COPS4: variants seen among roughly 807,000 people sequenced by gnomAD.
The protein encoded by COPS4 is COP9 signalosome subunit 4.
COPS4 carries 8 observed loss-of-function variants against 55.1 expected under a neutral mutation model. That is an observed-to-expected ratio of 0.15 (90% CI 0.09 to 0.26). The LOEUF (loss-of-function observed/expected upper bound fraction) is 0.26, where lower values mean the gene tolerates loss of function less well. COPS4 is among the 10% of genes least tolerant of loss of function. COPS4 has a pLI of 1.00. For missense variants in COPS4, 248 were observed against 484.0 expected (o/e 0.51, Z 4.58); for synonymous variants, 185 against 165.7 (o/e 1.12, Z -0.90).
intron 9 of COPS4, among the ~76,000 whole-genome samples, chr4:83,074,714 C>T (rs1007274245): frequency 4.0e-5 from 6 of 151,402 alleles, no homozygotes; most frequent in Admixed American, 1.3e-4. Context: ...CCATGTTGGC[C>T]GGGCTGGTCT....
chr4:83,063,498 C>A (rs1250151000), intron 7 of COPS4, among the ~76,000 whole-genome samples: 1 of 151,366 alleles, frequency 6.6e-6, no homozygotes, highest in African/African-American at 2.4e-5. Flanking sequence ...AACTCTACCT[C>A]CTGGCTTCAT....
chr4:83,055,693 G>T (rs1331848059), intron 4 of COPS4, among the ~76,000 whole-genome samples: 1 of 151,728 alleles, frequency 6.6e-6, no homozygotes, highest in Non-Finnish European at 1.5e-5. Context: ...TGCCCGCCTC[G>T]GGCTCCCAAA....
chr4:83,069,812 T>G (rs1731375503), intron 9 of COPS4, among the ~76,000 whole-genome samples: 1 of 152,220 alleles, frequency 6.6e-6, no homozygotes, highest in Non-Finnish European at 1.5e-5. Context: ...TGCAGATGGT[T>G]TTCGTCACCC....
chr4:83,059,389 A>G (rs1358686456), intron 6 of COPS4, among the ~76,000 whole-genome samples: 1 of 152,036 alleles, frequency 6.6e-6, no homozygotes, highest in Non-Finnish European at 1.5e-5. Flanking sequence ...TAGGTTCTCA[A>G]ATTTCTTGGT....
At chr4:83,049,470 A>G in intron 3 of COPS4, 153 bp downstream of exon 3, 1 of 629,796 alleles carries the variant, frequency 1.6e-6, no homozygotes, top group Non-Finnish European at 2.5e-6. Flanking sequence ...AATCAAGTAA[A>G]TATTAGGTTG....
chr4:83,037,925 C>T (rs1362419049), intron 1 of COPS4, among the ~76,000 whole-genome samples: 5 of 152,126 alleles, frequency 3.3e-5, no homozygotes. Context: ...AGACTATGCT[C>T]GTTTTCTTGT....
chr4:83,064,994 C>T, intron 7 of COPS4: 1 of 527,600 alleles, frequency 1.9e-6, no homozygotes, highest in South Asian at 1.8e-5. Flanking sequence ...GATCCTTCTA[C>T]CTCCACCTCC....
At chr4:83,070,415 G>A (rs942337023) in intron 9 of COPS4, among the ~76,000 whole-genome samples, 9 of 152,142 alleles carry the variant, frequency 5.9e-5, no homozygotes, top group African/African-American at 2.2e-4. Flanking sequence ...GGGCATCTTA[G>A]CATGAACATA....
chr4:83,051,465 G>A (rs1730887850), intron 4 of COPS4, among the ~76,000 whole-genome samples: 1 of 152,150 alleles, frequency 6.6e-6, no homozygotes, highest in African/African-American at 2.4e-5. Flanking sequence ...TAAGGTGGAT[G>A]TTGTGAGAAG....
At chr4:83,073,255 G>C (rs1304034205) in intron 9 of COPS4, 2 of 695,990 alleles carry the variant, frequency 2.9e-6, no homozygotes, top group South Asian at 3.0e-5. Flanking sequence ...ACCTAGTCTG[G>C]ATAGTTCATA....
chr4:83,075,617 A>G lies in COPS4; in HGVS notation c.*187A>G. 1.8e-6 allele frequency: 1 copy of G among 563,482 alleles called. No homozygotes were observed. The highest frequency in any genetic ancestry group is 2.9e-6 in the Non-Finnish European group (1 of 345,674). 34.9% of individuals were successfully genotyped at this position (563,482 alleles called of 1,614,324 possible). On this transcript the variant is annotated 3_prime_UTR_variant, in exon 10 of 10. Coordinates refer to ENST00000264389, the MANE Select transcript of COPS4 (RefSeq NM_016129.3). ...AAAATATGTAGTTCCCATATATTTC[A>G]GGGTCTCTGTGTATTAAGCTAACTC...
intron 9 of COPS4, among the ~76,000 whole-genome samples, chr4:83,069,757 A>G (rs1731374116): frequency 6.6e-6 from 1 of 152,100 alleles, no homozygotes; most frequent in South Asian, 2.1e-4. Context: ...GAAACACTTT[A>G]ATTTTAGATA....
At position 83,057,073 on chromosome 4, in the gene COPS4, T is replaced by A; in HGVS notation, c.558T>A (p.His186Gln). The A allele has an allele frequency of 6.2e-7, 1 of 1,612,572 alleles. No homozygotes were observed. Among genetic ancestry groups the A allele is most frequent in the Non-Finnish European group, 8.5e-7 (1 of 1,179,092 alleles). Residue 186 changes from histidine (H) to glutamine (Q), a missense_variant, in exon 5 of 10, where the codon CAT becomes CAA. His to Gln is a conservative substitution (Grantham distance 24). This residue lies in a region of COPS4 where 155 missense variants were observed against 326.6 expected (regional missense o/e 0.47). Transcript: ENST00000264389. ...NESTNEQLQI[H>Q]YKVCYARVLD... ...CAACCAATGAACAATTACAGATACA[T>A]TATAAGGTAACAGATGAGTTGATTT...
At chr4:83,060,350 AT>A (rs376935134) in intron 6 of COPS4, among the ~76,000 whole-genome samples, 75,723 of 121,182 alleles carry the variant, frequency 0.62, 23,995 homozygotes, top group Admixed American at 0.74. Context: ...CGCGCAGCTA[AT>A]TTTTTTTTTT....
intron 4 of COPS4, 34 bp downstream of exon 4, chr4:83,050,018 A>ACATCC: frequency 6.5e-6 from 8 of 1,230,470 alleles, no homozygotes; most frequent in Non-Finnish European, 9.4e-6. Context: ...ATGACTATAT[A>ACATCC]TAGGATGTAT....
At chr4:83,052,793 C>A (rs1452015538) in intron 4 of COPS4, among the ~76,000 whole-genome samples, 2 of 152,082 alleles carry the variant, frequency 1.3e-5, no homozygotes, top group African/African-American at 4.8e-5. Flanking sequence ...CACCATGTTG[C>A]CCAGGCTGGT....
intron 1 of COPS4, among the ~76,000 whole-genome samples, chr4:83,038,904 A>G (rs1730491534): frequency 6.6e-6 from 1 of 152,118 alleles, no homozygotes; most frequent in African/African-American, 2.4e-5. Context: ...TGGCCTCCCA[A>G]AGTGCTGGGA....
chr4:83,070,541 C>G (rs1024333493), intron 9 of COPS4, among the ~76,000 whole-genome samples: 11 of 152,122 alleles, frequency 7.2e-5, no homozygotes, highest in African/African-American at 2.7e-4. Flanking sequence ...GGGCTCAAAC[C>G]ATCCTCCCAC....
intron 1 of COPS4, among the ~76,000 whole-genome samples, chr4:83,045,407 A>G (rs1721982006): frequency 6.6e-6 from 1 of 152,172 alleles, no homozygotes; most frequent in South Asian, 2.1e-4. Flanking sequence ...TACTATACTG[A>G]AAACTAGATG....
Sources: gnomAD v4.1 joint callset for allele counts (sites outside exome capture counted in the v4.1 genomes callset) on GRCh38, gnomAD v4.1.1 for gene constraint, gnomAD v4.1.1 regional missense constraint, MANE v1.5 for transcripts, NCBI Gene and HGNC (gene_info 2026-07-23, HGNC 2026-07-21) for gene names.